PSMD14: variants seen among roughly 807,000 people sequenced by gnomAD.
The protein encoded by PSMD14 is ubiquitin C-terminal hydrolase PSMD14.
PSMD14 carries 7 observed loss-of-function variants against 41.2 expected under a neutral mutation model. The observed-to-expected ratio is 0.17, with a 90% CI of 0.10 to 0.32. The LOEUF (loss-of-function observed/expected upper bound fraction) is 0.32. PSMD14 is among the 10% of genes least tolerant of loss of function. PSMD14 has a pLI of 1.00. For synonymous variants in PSMD14, 114 were observed against 122.3 expected (o/e 0.93, Z 0.45); for missense variants, 139 against 375.6 (o/e 0.37, Z 5.21).
chr2:161,348,192 G>A (rs1011783620), intron 3 of PSMD14, among the ~76,000 whole-genome samples: 2 of 152,220 alleles, frequency 1.3e-5, no homozygotes, highest in South Asian at 2.1e-4. Context: ...CCTAGAGAAC[G>A]TCTCCCACAT....
At chr2:161,366,869 G>C (rs1683366751) in intron 3 of PSMD14, among the ~76,000 whole-genome samples, 1 of 152,136 alleles carries the variant, frequency 6.6e-6, no homozygotes, top group Admixed American at 6.6e-5. Flanking sequence ...GTAGTGGTTA[G>C]GATTTTGGAA....
At chr2:161,352,921 C>G (rs991005687) in intron 3 of PSMD14, among the ~76,000 whole-genome samples, 3 of 152,152 alleles carry the variant, frequency 2.0e-5, no homozygotes, top group African/African-American at 2.4e-5. Context: ...ACAGTAGCAT[C>G]CACTTAACCT....
intron 7 of PSMD14, chr2:161,381,580 T>C (rs1024270196): frequency 3.3e-5 from 5 of 151,910 alleles, no homozygotes; most frequent in African/African-American, 1.2e-4. Flanking sequence ...AGATTGGTGC[T>C]TTACAAATTT....
intron 8 of PSMD14, among the ~76,000 whole-genome samples, chr2:161,386,926 G>A (rs968322024): frequency 2.6e-5 from 4 of 151,782 alleles, no homozygotes; most frequent in East Asian, 1.9e-4. Context: ...TATTAATAAC[G>A]TGTTTTTTCT....
At chr2:161,337,351 T>G (rs963414246) in intron 3 of PSMD14, among the ~76,000 whole-genome samples, 6 of 152,152 alleles carry the variant, frequency 3.9e-5, no homozygotes, top group Admixed American at 2.0e-4. Context: ...TTGTTAGGAG[T>G]AGTAGTAGCA....
At position 161,386,561 on chromosome 2, in the gene PSMD14, G is replaced by GA. The variant is rs988647193; in HGVS notation, c.570+1001dup. On this transcript the variant is annotated intron_variant, in intron 8 of 11. Coordinates refer to ENST00000409682, the MANE Select transcript of PSMD14 (RefSeq NM_005805.6). ...TTAAAGGATTGAGGTGTGTTGATTT[G>GA]AAAAAAAAAAATGCAAGTCAAGGAA... Among the ~76,000 whole-genome samples, 307 of 144,564 alleles carry GA rather than the reference G, an allele frequency of 2.1e-3. 2 individuals are homozygous for GA. The highest frequency in any genetic ancestry group is 5.0e-3 in the Admixed American group (73 of 14,490). 94.8% of individuals were successfully genotyped at this position (144,564 alleles called of 152,430 possible).
chr2:161,360,997 G>A (rs1683282185), intron 3 of PSMD14, among the ~76,000 whole-genome samples: 2 of 151,942 alleles, frequency 1.3e-5, no homozygotes, highest in African/African-American at 2.4e-5. Context: ...AAGTCTTTAG[G>A]TATTTAGAAA....
chr2:161,355,296 G>A (rs1052152345), intron 3 of PSMD14, among the ~76,000 whole-genome samples: 2 of 152,002 alleles, frequency 1.3e-5, no homozygotes, highest in Non-Finnish European at 2.9e-5. Flanking sequence ...ATAGTGTTAG[G>A]TATGTTTTCT....
chr2:161,410,824 T>C (rs1490030855), intron 11 of PSMD14, among the ~76,000 whole-genome samples: 1 of 152,100 alleles, frequency 6.6e-6, no homozygotes, highest in African/African-American at 2.4e-5. Context: ...TTGTACAGAA[T>C]TCTGATTTTT....
In PSMD14 at chr2:161,347,302, C is replaced by T. The variant is rs562929768; in HGVS notation, c.49-20176C>T. Among the ~76,000 whole-genome samples, 11 of 152,172 alleles carry T rather than the reference C, an allele frequency of 7.2e-5. No homozygotes were observed. The South Asian group carries it at 2.3e-3, about 32-fold the overall frequency. On this transcript the variant is annotated intron_variant, in intron 3 of 11. Transcript: ENST00000409682. ...CTGTCTTGGACATAAGCAGATGTCC[C>T]TTTTGTCTACTTTTATTTATTTATT...
chr2:161,368,595 T>C (rs983186044), intron 5 of PSMD14, among the ~76,000 whole-genome samples: 4 of 152,074 alleles, frequency 2.6e-5, no homozygotes, highest in African/African-American at 9.7e-5. Context: ...ACAATAACCA[T>C]TCCATCTACC....
chr2:161,367,427 A>G (rs1683374531), intron 3 of PSMD14, 51 bp from the exon 4 acceptor site: 30 of 1,411,622 alleles, frequency 2.1e-5, no homozygotes, highest in Non-Finnish European at 2.8e-5. Flanking sequence ...TGAATTTTAA[A>G]CTCATAAACT....
At chr2:161,405,581 G>C (rs1683938046) in intron 10 of PSMD14, among the ~76,000 whole-genome samples, 1 of 152,136 alleles carries the variant, frequency 6.6e-6, no homozygotes, top group African/African-American at 2.4e-5. Context: ...TGTTTAATTA[G>C]TGATGGTAGT....
At chr2:161,317,688 A>C (rs1383267994) in intron 2 of PSMD14, among the ~76,000 whole-genome samples, 1 of 152,242 alleles carries the variant, frequency 6.6e-6, no homozygotes, top group African/African-American at 2.4e-5. Flanking sequence ...AGGATTCAAC[A>C]AAGGTGATTG....
At position 161,371,158 on chromosome 2, in the gene PSMD14, C is replaced by T. The variant is rs1484060363; in HGVS notation, c.312-14C>T. 2 of 1,610,876 alleles carry T rather than the reference C, an allele frequency of 1.2e-6. No homozygotes were observed. The highest frequency in any genetic ancestry group is 2.2e-5 in the East Asian group (1 of 44,822). On this transcript the variant is annotated splice_polypyrimidine_tract_variant and intron_variant, in intron 6 of 11. Transcript: ENST00000409682. ...TGTTCTGTTCTGAGCATCTGAATGC[C>T]CTCTTTGTTTCAGGCCGGAGATGGT...
At chr2:161,321,428 CAT>C (rs1189920576) in intron 3 of PSMD14, among the ~76,000 whole-genome samples, 1 of 152,170 alleles carries the variant, frequency 6.6e-6, no homozygotes, top group African/African-American at 2.4e-5. Flanking sequence ...ATGTCCAAGA[CAT>C]ATTTTTTTTT....
At chr2:161,402,245 G>A (rs982518039) in intron 10 of PSMD14, among the ~76,000 whole-genome samples, 1 of 152,086 alleles carries the variant, frequency 6.6e-6, no homozygotes, top group Non-Finnish European at 1.5e-5. Context: ...ATGCATATTG[G>A]TCATGCATCA....
intron 1 of PSMD14, among the ~76,000 whole-genome samples, chr2:161,314,989 T>G (rs1482460888): frequency 1.3e-5 from 2 of 152,226 alleles, no homozygotes; most frequent in African/African-American, 2.4e-5. Context: ...TGCCAAACTG[T>G]TCCCAGCACT....
chr2:161,314,241 C>T (rs781530590), intron 1 of PSMD14, among the ~76,000 whole-genome samples: 7 of 152,128 alleles, frequency 4.6e-5, no homozygotes, highest in Non-Finnish European at 7.4e-5. Flanking sequence ...TCAAAAAATA[C>T]GTGACACATC....
Sources: allele counts gnomAD v4.1 joint callset (sites outside exome capture counted in the v4.1 genomes callset), GRCh38; gene constraint gnomAD v4.1.1; transcripts MANE v1.5; gene names NCBI Gene and HGNC (gene_info 2026-07-23, HGNC 2026-07-21).